PLXDC2: variants seen among roughly 807,000 people sequenced by gnomAD.
The protein encoded by PLXDC2 is plexin domain-containing protein 2.
PLXDC2 carries 40 observed loss-of-function variants against 68.9 expected under a neutral mutation model. The observed-to-expected ratio is 0.58, with a 90% CI of 0.45 to 0.76. PLXDC2 has a LOEUF of 0.76. Among genes scored for constraint, PLXDC2 ranks in the 30% least tolerant of loss-of-function variants. The pLI is 0.00. For missense variants in PLXDC2, 644 were observed against 661.9 expected (o/e 0.97, Z 0.30); for synonymous variants, 243 against 234.2 (o/e 1.04, Z -0.34).
intron 4 of PLXDC2, among the ~76,000 whole-genome samples, chr10:20,084,749 G>A (rs140773028): frequency 2.0e-5 from 3 of 152,120 alleles, no homozygotes; most frequent in South Asian, 2.1e-4. Flanking sequence ...TAGATACACC[G>A]TTGGACAGAA....
At chr10:19,819,039 C>A (rs1168251953) in intron 1 of PLXDC2, among the ~76,000 whole-genome samples, 1 of 149,222 alleles carries the variant, frequency 6.7e-6, no homozygotes, top group African/African-American at 2.4e-5. Flanking sequence ...TATACACACA[C>A]ACACACACAC....
intron 2 of PLXDC2, among the ~76,000 whole-genome samples, chr10:20,007,108 T>A (rs1208249255): frequency 6.6e-6 from 1 of 152,226 alleles, no homozygotes; most frequent in Non-Finnish European, 1.5e-5. Context: ...TTGGATTCCA[T>A]TCATGATTTG....
chr10:19,954,768 ATG>A (rs1420584258), intron 1 of PLXDC2, among the ~76,000 whole-genome samples: 1 of 152,194 alleles, frequency 6.6e-6, no homozygotes, highest in African/African-American at 2.4e-5. Flanking sequence ...ATGGAATTGG[ATG>A]TAAGTTGGAA....
In PLXDC2 at chr10:20,190,099, G is replaced by T. The variant is rs554084413; in HGVS notation, c.1061+12690G>T. Among the ~76,000 whole-genome samples, 18 of 151,884 alleles carry T rather than the reference G, an allele frequency of 1.2e-4. No homozygotes were observed. The East Asian group carries it at 2.5e-3, about 21-fold the overall frequency. Reference sequence around the variant, plus strand: ...TGCAGAATTATTTAGCATTACATATGTTTATAATTGCTTTTTCAAGATGAT... The same window carrying T: ...TGCAGAATTATTTAGCATTACATATTTTTATAATTGCTTTTTCAAGATGAT... On this transcript the variant is annotated intron_variant, in intron 9 of 13. Transcript: ENST00000377252.
At position 19,987,622 on chromosome 10, in the gene PLXDC2, C is replaced by T. The variant is rs1458318821; in HGVS notation, c.113-14153C>T. Among the ~76,000 whole-genome samples the T allele has an allele frequency of 4.0e-5, 6 of 151,478 alleles. No homozygotes were observed. The South Asian group carries it at 8.3e-4, about 21-fold the overall frequency. On this transcript the variant is annotated intron_variant, in intron 1 of 13. Transcript: ENST00000377252. ...TGTCACCCAGGCTGGAGTGCAGTGG[C>T]GCGATCTCGGCTCACTGCAAGCTCA... is the stretch of plus-strand genomic sequence containing the variant.
At chr10:19,832,915 G>T (rs1054505832) in intron 1 of PLXDC2, among the ~76,000 whole-genome samples, 2 of 152,140 alleles carry the variant, frequency 1.3e-5, no homozygotes, top group South Asian at 2.1e-4. Flanking sequence ...AAATTTCCTC[G>T]TTGCCATTTT....
At chr10:20,052,786 C>T (rs1835927903) in intron 3 of PLXDC2, among the ~76,000 whole-genome samples, 1 of 151,036 alleles carries the variant, frequency 6.6e-6, no homozygotes, top group Admixed American at 6.6e-5. Context: ...AGGGATAGTC[C>T]CAGGGCCAGA....
chr10:20,231,286 A>C (rs1034211598), intron 12 of PLXDC2, among the ~76,000 whole-genome samples: 1 of 149,966 alleles, frequency 6.7e-6, no homozygotes, highest in Admixed American at 6.7e-5. Context: ...AATATATATA[A>C]ATGTTTGATA....
At chr10:19,818,485 C>T (rs1402366284) in intron 1 of PLXDC2, among the ~76,000 whole-genome samples, 1 of 151,982 alleles carries the variant, frequency 6.6e-6, no homozygotes, top group Non-Finnish European at 1.5e-5. Flanking sequence ...AGATAAAGCA[C>T]AGATACTGAC....
intron 1 of PLXDC2, among the ~76,000 whole-genome samples, chr10:19,903,838 T>C (rs1297254155): frequency 4.6e-5 from 7 of 152,290 alleles, no homozygotes; most frequent in Middle Eastern, 3.4e-3. Flanking sequence ...ACTTTCCTTT[T>C]AGCACTGCTT....
At chr10:19,818,461 G>T (rs1359075021) in intron 1 of PLXDC2, among the ~76,000 whole-genome samples, 1 of 152,002 alleles carries the variant, frequency 6.6e-6, no homozygotes, top group East Asian at 1.9e-4. Context: ...CCTGTCCCTG[G>T]TGTAAACTGT....
chr10:20,147,687 G>T, intron 5 of PLXDC2, 97 bp from the exon 6 acceptor site: 1 of 691,052 alleles, frequency 1.4e-6, no homozygotes. Flanking sequence ...TACCAGATTT[G>T]AAGGCCAGAT....
intron 12 of PLXDC2, among the ~76,000 whole-genome samples, chr10:20,227,333 A>T (rs1835300010): frequency 6.6e-6 from 1 of 152,116 alleles, no homozygotes; most frequent in Non-Finnish European, 1.5e-5. Flanking sequence ...CTATATAAGA[A>T]CAGAGAAGGG....
chr10:19,821,654 T>C (rs909096835), intron 1 of PLXDC2, among the ~76,000 whole-genome samples: 2 of 152,210 alleles, frequency 1.3e-5, no homozygotes, highest in Admixed American at 1.3e-4. Context: ...AATTATTAAT[T>C]TGAATGCCAC....
At chr10:20,234,881 A>G (rs1242145078) in intron 12 of PLXDC2, among the ~76,000 whole-genome samples, 2 of 152,122 alleles carry the variant, frequency 1.3e-5, no homozygotes. Context: ...ATCTCCAGCA[A>G]CTAAATGAAT....
At chr10:19,828,066 T>C (rs1033542732) in intron 1 of PLXDC2, among the ~76,000 whole-genome samples, 5 of 152,302 alleles carry the variant, frequency 3.3e-5, no homozygotes, top group African/African-American at 1.2e-4. Flanking sequence ...CCTGGCTTCT[T>C]AGGAACTATC....
intron 2 of PLXDC2, among the ~76,000 whole-genome samples, chr10:20,032,410 G>C (rs377131835): frequency 6.6e-6 from 1 of 152,140 alleles, no homozygotes; most frequent in Non-Finnish European, 1.5e-5. Context: ...TTCTAAGTGT[G>C]ATGAGAAGCC....
intron 3 of PLXDC2, among the ~76,000 whole-genome samples, chr10:20,065,460 G>T (rs1836189668): frequency 1.3e-5 from 2 of 152,166 alleles, no homozygotes; most frequent in Non-Finnish European, 2.9e-5. Flanking sequence ...TTGGCACCAG[G>T]AACCAGTTTC....
Position 20,134,399 on chromosome 10 carries a change from G to A in PLXDC2, c.542-8896G>A, listed in dbSNP as rs547487791. Among the ~76,000 whole-genome samples the A allele has an allele frequency of 2.0e-3, 305 of 152,266 alleles. 4 individuals carry two copies. The highest frequency in any genetic ancestry group is 3.3e-3 in the Admixed American group (50 of 15,296). On this transcript the variant is annotated intron_variant, in intron 4 of 13. Coordinates refer to ENST00000377252, the MANE Select transcript of PLXDC2 (RefSeq NM_032812.9). ...TGTCCTTCACCACTCAGTCCATCCA[G>A]AAATTCTGTGCCAGCGGCTGACAAA...
Sources: gnomAD v4.1 joint callset for allele counts (sites outside exome capture counted in the v4.1 genomes callset) on GRCh38, gnomAD v4.1.1 for gene constraint, MANE v1.5 for transcripts, NCBI Gene and HGNC (gene_info 2026-07-23, HGNC 2026-07-21) for gene names.